CACNA1B: variants seen among roughly 807,000 people sequenced by gnomAD.
CACNA1B encodes calcium voltage-gated channel subunit alpha1 B.
Under a neutral mutation model 247.2 loss-of-function variants are expected in CACNA1B, and 70 were observed. That is an observed-to-expected ratio of 0.28 (90% CI 0.23 to 0.35). CACNA1B has a LOEUF of 0.35. Ranked by LOEUF, CACNA1B falls within the 10% of genes least tolerant of loss-of-function variation. The pLI is 1.00. For synonymous variants in CACNA1B, 1,231 were observed against 1,294.4 expected, an observed-to-expected ratio of 0.95 and a Z score of 1.05; for missense variants, 2,367 against 3,197.4, an observed-to-expected ratio of 0.74 and a Z score of 6.26.
rs1204348351 is a variant in CACNA1B, at chr9:137,882,603, G to T, written c.391-141G>T. 1 of 886,396 alleles carries T rather than the reference G, an allele frequency of 1.1e-6. No homozygotes were observed. 54.9% of individuals were successfully genotyped at this position (886,396 alleles called of 1,614,324 possible). The stretch of plus-strand genomic sequence containing the variant: ...TGGCTCCTTGGAGAATCTGCAGGGT[G>T]TTGGGGGCAAGGTGAGGAGGGTCAG... On this transcript the variant is annotated intron_variant, in intron 2 of 46. Transcript: ENST00000371372. This position sits in a 1 kb window ranked among gnomAD's most constrained non-coding sequence, Gnocchi z 4.0.
At chr9:137,916,189 C>T (rs1957408917) in intron 5 of CACNA1B, among the ~76,000 whole-genome samples, 1 of 151,936 alleles carries the variant, frequency 6.6e-6, no homozygotes, top group Non-Finnish European at 1.5e-5. Flanking sequence ...CATGGTGCCA[C>T]GCCCAGCTAA....
intron 23 of CACNA1B, 82 bp from the exon 24 acceptor site, chr9:138,049,126 AT>A: frequency 3.2e-6 from 3 of 925,544 alleles, no homozygotes; most frequent in Non-Finnish European, 5.4e-6. Flanking sequence ...AAGTGCTGAG[AT>A]TACAGGCATG....
At chr9:137,910,482 A>G (rs1957347863) in intron 3 of CACNA1B, among the ~76,000 whole-genome samples, 1 of 152,108 alleles carries the variant, frequency 6.6e-6, no homozygotes, top group African/African-American at 2.4e-5. Context: ...TATTACATTT[A>G]TTGTGCACTT....
intron 42 of CACNA1B, 102 bp downstream of exon 42, chr9:138,115,781 C>A: frequency 8.0e-7 from 1 of 1,253,598 alleles, no homozygotes; most frequent in Non-Finnish European, 1.1e-6. Context: ...GCCCTCACTT[C>A]CACTGGCCTC....
At chr9:137,995,982 A>G (rs1958495683) in intron 15 of CACNA1B, among the ~76,000 whole-genome samples, 1 of 152,220 alleles carries the variant, frequency 6.6e-6, no homozygotes, top group Non-Finnish European at 1.5e-5. Context: ...TCCTGCAAGA[A>G]TGCCCATAAT....
In CACNA1B at chr9:138,057,380, T is replaced by C. The variant is rs892195348; in HGVS notation, c.3969-352T>C. Among the ~76,000 whole-genome samples the C allele has an allele frequency of 6.6e-6, 1 of 152,262 alleles. No homozygotes were observed. The highest frequency in any genetic ancestry group is 1.5e-5 in the Non-Finnish European group (1 of 68,044). ...TCCTCTGAGCACAGAAGTGTCCGAT[T>C]TGATGCGGCCTGATTTATCTGTATT... On this transcript the variant is annotated intron_variant, in intron 26 of 46. Transcript: ENST00000371372. The surrounding 1 kb of genome is among the most constrained non-coding windows in gnomAD (Gnocchi z 4.0).
chr9:137,885,286 G>A (rs1257868873), intron 3 of CACNA1B, among the ~76,000 whole-genome samples: 2 of 152,150 alleles, frequency 1.3e-5, no homozygotes, highest in East Asian at 2.0e-4. Flanking sequence ...TGCTGCTCTC[G>A]TGTGGGGCAC....
intron 19 of CACNA1B, among the ~76,000 whole-genome samples, chr9:138,024,493 C>T (rs543083979): frequency 4.5e-4 from 68 of 152,278 alleles, no homozygotes; most frequent in African/African-American, 1.5e-3. Flanking sequence ...CCCTGCCTTT[C>T]GGACTAAAGA....
At chr9:138,105,633 T>G in intron 38 of CACNA1B, 66 bp from the exon 39 acceptor site, 2 of 842,304 alleles carry the variant, frequency 2.4e-6, no homozygotes, top group Non-Finnish European at 3.9e-6. Flanking sequence ...ACCCCATCAT[T>G]GCGTAGTCTT....
In CACNA1B at chr9:138,100,971, AC is replaced by A. The variant is rs1961231072; in HGVS notation, c.5223-1738del. The A allele has an allele frequency of 2.4e-6, 1 of 414,708 alleles. No homozygotes were observed. Among genetic ancestry groups the A allele is most frequent in the South Asian group, 1.8e-5 (1 of 55,656 alleles). 25.7% of individuals were successfully genotyped at this position (414,708 alleles called of 1,614,324 possible). A position where few individuals can be genotyped will look rare whatever the true frequency, so the allele number is the denominator to read the frequency against. Reference sequence around the variant, plus strand: ...AGCCCCAGTACCCCGGCGAGGTGCCACCTGTCCAGTGCACCCCTCACCTCCG... The same window carrying A: ...AGCCCCAGTACCCCGGCGAGGTGCCACTGTCCAGTGCACCCCTCACCTCCG... On this transcript the variant is annotated intron_variant, in intron 37 of 46. Transcript: ENST00000371372. This position sits in a 1 kb window ranked among gnomAD's most constrained non-coding sequence, Gnocchi z 4.6.
At chr9:138,110,827 T>C (rs187682037) in intron 39 of CACNA1B, among the ~76,000 whole-genome samples, 2 of 152,328 alleles carry the variant, frequency 1.3e-5, no homozygotes, top group East Asian at 3.9e-4. Context: ...ATTCCTAATA[T>C]ATGAAGAACT....
In CACNA1B at chr9:137,888,435, C is replaced by A. The variant is rs1417108389; in HGVS notation, c.530+5552C>A. ...CTGGGGGTCAGGGACATGGGCAGGG[C>A]CCCCAGAACCCCAAAGCCCTGCGCG... On this transcript the variant is annotated intron_variant, in intron 3 of 46. Transcript: ENST00000371372. This position sits in a 1 kb window ranked among gnomAD's most constrained non-coding sequence, Gnocchi z 4.7. Among the ~76,000 whole-genome samples, 1 of 152,192 alleles carries A rather than the reference C, an allele frequency of 6.6e-6. No homozygotes were observed. Among genetic ancestry groups the A allele is most frequent in the Non-Finnish European group, 1.5e-5 (1 of 68,026 alleles).
Position 137,955,136 on chromosome 9 carries a change from G to A in CACNA1B, c.1071-562G>A, listed in dbSNP as rs183840647. Among the ~76,000 whole-genome samples, 48 of 152,242 alleles carry A rather than the reference G, an allele frequency of 3.2e-4. No individual in the cohort carries two copies. The highest frequency in any genetic ancestry group is 2.6e-3 in the Admixed American group (39 of 15,294). ...TCAGAGGCTTGGTTGAGGAGGCTAC[G>A]TGGACTCTGCGGTATTACCCTTCTG... On this transcript the variant is annotated intron_variant, in intron 7 of 46. Transcript: ENST00000371372. The surrounding 1 kb of genome is among the most constrained non-coding windows in gnomAD (Gnocchi z 6.9).
intron 39 of CACNA1B, among the ~76,000 whole-genome samples, chr9:138,109,897 C>A (rs1255324351): frequency 6.6e-6 from 1 of 151,978 alleles, no homozygotes; most frequent in Non-Finnish European, 1.5e-5. Context: ...ATGGTGAAAC[C>A]CGTCCCTACT....
intron 20 of CACNA1B, among the ~76,000 whole-genome samples, chr9:138,037,210 C>T (rs368383209): frequency 5.3e-5 from 8 of 152,280 alleles, no homozygotes; most frequent in Admixed American, 1.3e-4. Context: ...TAATTAGATC[C>T]GGAACAGGGC....
chr9:138,044,907 G>A (rs1030011572), intron 21 of CACNA1B, among the ~76,000 whole-genome samples: 3 of 152,220 alleles, frequency 2.0e-5, no homozygotes, highest in Admixed American at 6.5e-5. Flanking sequence ...GGAGTAAAGC[G>A]GTAATGGAGA....
chr9:137,955,600 C>T lies in CACNA1B; in HGVS notation c.1071-98C>T, dbSNP rs1243589189. Reference sequence around the variant, plus strand: ...AAGCAGCAGCCTGCAGCCTGCGTCTCCTGTCCCAGGCTTTCCCTGGTCCTT... The same window carrying T: ...AAGCAGCAGCCTGCAGCCTGCGTCTTCTGTCCCAGGCTTTCCCTGGTCCTT... On this transcript the variant is annotated intron_variant, in intron 7 of 46. Transcript: ENST00000371372. The surrounding 1 kb of genome is among the most constrained non-coding windows in gnomAD (Gnocchi z 6.9). 7 of 799,970 alleles carry T rather than the reference C, an allele frequency of 8.8e-6. No homozygotes were observed. The highest frequency in any genetic ancestry group is 1.4e-5 in the Non-Finnish European group (7 of 492,760). The allele number at this position is 799,970 out of a possible 1,614,324, so 49.6% of individuals were successfully genotyped here.
At chr9:137,931,912 G>A (rs1284687815) in intron 6 of CACNA1B, among the ~76,000 whole-genome samples, 2 of 152,150 alleles carry the variant, frequency 1.3e-5, no homozygotes, top group Admixed American at 1.3e-4. Flanking sequence ...CCTCAACTTA[G>A]CATTTCTGAC....
chr9:138,059,754 T>C lies in CACNA1B; in HGVS notation c.4668+17T>C. The C allele has an allele frequency of 6.7e-7, 1 of 1,488,432 alleles. No homozygotes were observed. Among genetic ancestry groups the C allele is most frequent in the South Asian group, 1.1e-5 (1 of 88,490 alleles). 92.2% of individuals were successfully genotyped at this position (1,488,432 alleles called of 1,614,324 possible). A position where few individuals can be genotyped will look rare whatever the true frequency, so the allele number is the denominator to read the frequency against. ...GAGATTGCGGTAAGTAGCATTTCTGTCCCTCCTTCAGGGTCCCCAGGTGGT... is the reference window on the plus strand; with the variant it reads ...GAGATTGCGGTAAGTAGCATTTCTGCCCCTCCTTCAGGGTCCCCAGGTGGT... On this transcript the variant is annotated intron_variant, in intron 31 of 46. Transcript: ENST00000371372. This position sits in a 1 kb window ranked among gnomAD's most constrained non-coding sequence, Gnocchi z 4.2.
Sources: allele counts gnomAD v4.1 joint callset (sites outside exome capture counted in the v4.1 genomes callset), GRCh38; gene constraint gnomAD v4.1.1; non-coding constraint Gnocchi (gnomAD v3.1); transcripts MANE v1.5; gene names NCBI Gene and HGNC (gene_info 2026-07-23, HGNC 2026-07-21).